NELL1: variants seen among roughly 807,000 people sequenced by gnomAD.
The protein encoded by NELL1 is neural EGFL like 1.
In NELL1, 76 loss-of-function variants were observed where a neutral mutation model predicts 107.4. That is an observed-to-expected ratio of 0.71 (90% CI 0.59 to 0.86). The LOEUF is 0.86. Among genes scored for constraint, NELL1 ranks in the 40% least tolerant of loss-of-function variants. The pLI is 0.00. For missense variants in NELL1, 1,024 were observed against 1,005.5 expected (o/e 1.02, Z -0.25); for synonymous variants, 353 against 341.2 (o/e 1.03, Z -0.38).
At chr11:21,263,906 G>GA (rs530239706) in intron 14 of NELL1, among the ~76,000 whole-genome samples, 1 of 151,596 alleles carries the variant, frequency 6.6e-6, no homozygotes. Context: ...TTAAAAAATG[G>GA]AAAAAAAGCT....
chr11:20,759,320 C>T (rs1259631366), intron 2 of NELL1, among the ~76,000 whole-genome samples: 1 of 152,142 alleles, frequency 6.6e-6, no homozygotes, highest in African/African-American at 2.4e-5. Context: ...GACCTGGAGT[C>T]TCAGACATTG....
At chr11:21,383,885 T>A (rs1851674871) in intron 15 of NELL1, 1 of 151,786 alleles carries the variant, frequency 6.6e-6, no homozygotes, top group Admixed American at 6.6e-5. Context: ...AGATCGGGCA[T>A]GTTAAGGGTG....
chr11:21,352,662 G>A (rs1449105815), intron 14 of NELL1, among the ~76,000 whole-genome samples: 1 of 152,124 alleles, frequency 6.6e-6, no homozygotes, highest in Non-Finnish European at 1.5e-5. Flanking sequence ...TTAATAACAG[G>A]TTTGATCAAT....
At chr11:21,294,148 T>C (rs1430646339) in intron 14 of NELL1, among the ~76,000 whole-genome samples, 1 of 152,118 alleles carries the variant, frequency 6.6e-6, no homozygotes, top group African/African-American at 2.4e-5. Flanking sequence ...CACATGGGCA[T>C]TGCTTAATCA....
At chr11:21,138,300 A>AT (rs1269161754) in intron 13 of NELL1, among the ~76,000 whole-genome samples, 1 of 152,150 alleles carries the variant, frequency 6.6e-6, no homozygotes, top group African/African-American at 2.4e-5. Context: ...AAGTTCCATC[A>AT]TTACCCACCT....
At chr11:20,830,133 A>T (rs1194752474) in intron 3 of NELL1, among the ~76,000 whole-genome samples, 1 of 151,536 alleles carries the variant, frequency 6.6e-6, no homozygotes, top group Non-Finnish European at 1.5e-5. Context: ...TTAGCTGGGT[A>T]TGGTGGTGCG....
intron 3 of NELL1, among the ~76,000 whole-genome samples, chr11:20,809,238 A>G (rs771423555): frequency 2.6e-5 from 4 of 152,188 alleles, no homozygotes; most frequent in Non-Finnish European, 4.4e-5. Context: ...CCTTTTTAAA[A>G]AAGTATGGTT....
chr11:21,207,898 T>A (rs932598983), intron 13 of NELL1, among the ~76,000 whole-genome samples: 49 of 152,312 alleles, frequency 3.2e-4, no homozygotes, highest in African/African-American at 8.2e-4. Flanking sequence ...TTTCTTTTTT[T>A]AAAAATAAAT....
chr11:20,947,261 C>T lies in NELL1; in HGVS notation c.1072-75C>T. Reference sequence around the variant, plus strand: ...TGTTGTTATCACTGCAGGCTATTAACAAAGAACATTATAAGTTTGTTCCAT... The same window carrying T: ...TGTTGTTATCACTGCAGGCTATTAATAAAGAACATTATAAGTTTGTTCCAT... On this transcript the variant is annotated intron_variant, in intron 10 of 19. Transcript: ENST00000357134. The T allele has an allele frequency of 4.1e-6, 4 of 975,352 alleles. 1 individual carries two copies. In the South Asian group the frequency reaches 5.3e-5, roughly 13 times the overall value. 60.4% of individuals were successfully genotyped at this position (975,352 alleles called of 1,614,324 possible).
At chr11:21,416,467 T>C (rs1852522572) in intron 15 of NELL1, among the ~76,000 whole-genome samples, 1 of 152,032 alleles carries the variant, frequency 6.6e-6, no homozygotes, top group Admixed American at 6.6e-5. Context: ...CTAAGGAAAA[T>C]GAGGAGAAAG....
intron 13 of NELL1, among the ~76,000 whole-genome samples, chr11:21,194,755 A>G (rs918865794): frequency 1.3e-5 from 2 of 152,170 alleles, no homozygotes; most frequent in Non-Finnish European, 2.9e-5. Context: ...AAGTTTGAGA[A>G]CCACTGATTT....
rs114663112 is a variant in NELL1, at chr11:21,030,289, T to G, written c.1300+69729T>G. 2.8e-3 allele frequency among the ~76,000 whole-genome samples: 420 copies of G among 152,306 alleles called. 6 individuals carry two copies. The highest frequency in any genetic ancestry group is 9.6e-3 in the African/African-American group (397 of 41,570). On this transcript the variant is annotated intron_variant, in intron 12 of 19. Transcript: ENST00000357134. Reference sequence around the variant, plus strand: ...TGGTTCAGGTTAAAGCCTTGTCACATTGAGAAGATATGATATATCTCTGTA... The same window carrying G: ...TGGTTCAGGTTAAAGCCTTGTCACAGTGAGAAGATATGATATATCTCTGTA...
intron 14 of NELL1, among the ~76,000 whole-genome samples, chr11:21,255,395 T>G (rs1443293127): frequency 6.6e-6 from 1 of 152,124 alleles, no homozygotes; most frequent in Non-Finnish European, 1.5e-5. Context: ...TAGGCTTTTC[T>G]GCTTGAATCA....
At chr11:21,422,556 G>C (rs1000579079) in intron 15 of NELL1, among the ~76,000 whole-genome samples, 1 of 152,080 alleles carries the variant, frequency 6.6e-6, no homozygotes, top group African/African-American at 2.4e-5. Flanking sequence ...AAAAAAGTGA[G>C]GAGGAAGCTG....
chr11:21,337,734 T>G (rs1249839472), intron 14 of NELL1, among the ~76,000 whole-genome samples: 3 of 138,736 alleles, frequency 2.2e-5, no homozygotes, highest in African/African-American at 8.0e-5. Flanking sequence ...TTTCTTTCTT[T>G]CCTTTCTTTC....
intron 12 of NELL1, among the ~76,000 whole-genome samples, chr11:21,106,306 T>G (rs1184745880): frequency 6.6e-6 from 1 of 152,102 alleles, no homozygotes; most frequent in Admixed American, 6.5e-5. Context: ...TATGCCTCTA[T>G]TTCCTCATCT....
chr11:20,758,431 T>G (rs931289542), intron 2 of NELL1, among the ~76,000 whole-genome samples: 3 of 152,210 alleles, frequency 2.0e-5, no homozygotes, highest in African/African-American at 7.2e-5. Flanking sequence ...ACGCTCCTGA[T>G]TCTAAGTTCT....
chr11:20,900,529 G>A (rs1343887882), intron 5 of NELL1, among the ~76,000 whole-genome samples: 1 of 152,070 alleles, frequency 6.6e-6, no homozygotes, highest in African/African-American at 2.4e-5. Context: ...CAGGGGAGTT[G>A]TAGCACACAT....
intron 5 of NELL1, among the ~76,000 whole-genome samples, chr11:20,904,189 C>G (rs1179828796): frequency 1.3e-5 from 2 of 151,298 alleles, no homozygotes; most frequent in Non-Finnish European, 2.9e-5. Flanking sequence ...GCACATGTAC[C>G]CTAAAACTTA....
Sources: gnomAD v4.1 joint callset for allele counts (sites outside exome capture counted in the v4.1 genomes callset) on GRCh38, gnomAD v4.1.1 for gene constraint, MANE v1.5 for transcripts, NCBI Gene and HGNC (gene_info 2026-07-23, HGNC 2026-07-21) for gene names.